The following RNF40 variants were observed in gnomAD, a reference collection of about 807,000 sequenced individuals.
RNF40 encodes the protein E3 ubiquitin-protein ligase BRE1B.
RNF40 carries 39 observed loss-of-function variants against 123.3 expected under a neutral mutation model. The observed-to-expected ratio is 0.32, with a 90% CI of 0.24 to 0.41. The LOEUF (loss-of-function observed/expected upper bound fraction) is 0.41, where lower values mean the gene tolerates loss of function less well. Among genes scored for constraint, RNF40 ranks in the 10% least tolerant of loss-of-function variants. The pLI is 1.00. For synonymous variants in RNF40, 538 were observed against 526.0 expected, an observed-to-expected ratio of 1.02 and a Z score of -0.31; for missense variants, 1,003 against 1,319.9, an observed-to-expected ratio of 0.76 and a Z score of 3.72.
At chr16:30,767,499 T>TAA (rs879532090) in intron 11 of RNF40, among the ~76,000 whole-genome samples, 1 of 137,554 alleles carries the variant, frequency 7.3e-6, no homozygotes, top group Non-Finnish European at 1.6e-5. Flanking sequence ...ATTGGATGTA[T>TAA]AAAAAAAAAA....
At chr16:30,761,940 G>A (rs1427509285), upstream of RNF40, 12 of 600,812 alleles carry the variant, frequency 2.0e-5, no homozygotes, top group South Asian at 2.2e-4. Flanking sequence ...GTTGCCAAGG[G>A]GGCTTGTGAG....
In RNF40 at chr16:30,766,269, A is replaced by G. The variant is rs1314993877; in HGVS notation, c.1100A>G (p.Asn367Ser). ...QAELQGAVRTNERLKVALRSL... is the reference protein window; with the variant it reads ...QAELQGAVRTSERLKVALRSL... ...GAACTTCAGGGGGCTGTGCGGACCA[A>G]TGAGCGCCTCAAGGTGGGCTGCTGT... Residue 367 changes from asparagine (N) to serine (S), a missense_variant, in exon 9 of 20, where the codon AAT becomes AGT. This residue lies in a region of RNF40 where 274 missense variants were observed against 356.9 expected (regional missense o/e 0.77). Transcript: ENST00000324685. The surrounding 1 kb of genome is among the most constrained non-coding windows in gnomAD (Gnocchi z 5.4). The G allele has an allele frequency of 5.6e-6, 9 of 1,614,084 alleles. No homozygotes were observed. The highest frequency in any genetic ancestry group is 1.7e-5 in the Admixed American group (1 of 60,020).
chr16:30,767,723 A>G, intron 11 of RNF40, 171 bp from the exon 12 acceptor site: 2 of 729,540 alleles, frequency 2.7e-6, no homozygotes, highest in Non-Finnish European at 4.4e-6. Flanking sequence ...ATTTTGGGTG[A>G]GTTTCCTTGA....
rs2054044931 is a variant in RNF40 at position 30,766,970 on chromosome 16, G to T, written c.1429+94G>T. Reference sequence around the variant, plus strand: ...GCTTATCCAGATGCAAGAGGCTAAGGCCTTTTTTTTCACAGAGCCTCGGCT... The same window carrying T: ...GCTTATCCAGATGCAAGAGGCTAAGTCCTTTTTTTTCACAGAGCCTCGGCT... On this transcript the variant is annotated intron_variant, in intron 11 of 19. Coordinates refer to ENST00000324685, the MANE Select transcript of RNF40 (RefSeq NM_014771.4). The surrounding 1 kb of genome is among the most constrained non-coding windows in gnomAD (Gnocchi z 5.4). 4.7e-6 allele frequency: 7 copies of T among 1,475,406 alleles called. No individual in the cohort carries two copies. In the African/African-American group the frequency reaches 5.6e-5, roughly 12 times the overall value. 91.4% of individuals were successfully genotyped at this position (1,475,406 alleles called of 1,614,324 possible).
chr16:30,766,144 C>T lies in RNF40; in HGVS notation c.994-19C>T, dbSNP rs1370805879. ...CACGTCTGGCCCTGCCTCCCATGGC[C>T]CTGCCTCCCACTCCTTAGTTTGAGA... is the stretch of plus-strand genomic sequence containing the variant. On this transcript the variant is annotated intron_variant, in intron 8 of 19. Transcript: ENST00000324685. This position sits in a 1 kb window ranked among gnomAD's most constrained non-coding sequence, Gnocchi z 5.4. The T allele has an allele frequency of 9.9e-6, 16 of 1,613,334 alleles. No homozygotes were observed. The highest frequency in any genetic ancestry group is 1.3e-5 in the Non-Finnish European group (15 of 1,179,840).
rs1456437473 is a variant in RNF40, at chr16:30,774,493, T to C, written c.*379T>C. On this transcript the variant is annotated 3_prime_UTR_variant, in exon 20 of 20. Coordinates refer to ENST00000324685, the MANE Select transcript of RNF40 (RefSeq NM_014771.4). ...GTGATCTACCCTAGAGAAGGCTCGC[T>C]CCCTGCCTACTGGCTCACAAATGAG... is the stretch of plus-strand genomic sequence containing the variant. 4.4e-6 allele frequency: 1 copy of C among 225,096 alleles called. No individual in the cohort carries two copies. Among genetic ancestry groups the C allele is most frequent in the African/African-American group, 2.3e-5 (1 of 43,886 alleles). The allele number at this position is 225,096 out of a possible 1,614,324, so 13.9% of individuals were successfully genotyped here.
At chr16:30,762,791 A>T in intron 2 of RNF40, 114 bp downstream of exon 2, 1 of 1,346,386 alleles carries the variant, frequency 7.4e-7, no homozygotes, top group Non-Finnish European at 1.0e-6. Context: ...GGTCCGCGTT[A>T]CAGGACCTTG....
At chr16:30,772,317 T>A (rs1183296143) in intron 19 of RNF40, 127 bp downstream of exon 19, 1 of 782,866 alleles carries the variant, frequency 1.3e-6, no homozygotes, top group Non-Finnish European at 2.2e-6. Flanking sequence ...AGCACAGTGG[T>A]CACAGAGTCA....
intron 2 of RNF40, 105 bp downstream of exon 2, chr16:30,762,782 G>A: frequency 6.9e-7 from 1 of 1,445,654 alleles, no homozygotes; most frequent in South Asian, 1.2e-5. Flanking sequence ...GTTTAGCAAG[G>A]TCCGCGTTAC....
chr16:30,764,820 A>G, intron 5 of RNF40, 118 bp from the exon 6 acceptor site: 3 of 1,424,292 alleles, frequency 2.1e-6, no homozygotes, highest in Non-Finnish European at 2.8e-6. Context: ...TGGCTTTGTC[A>G]TGAGAAATGG....
At chr16:30,762,831 C>T in intron 2 of RNF40, 154 bp downstream of exon 2, 1 of 983,744 alleles carries the variant, frequency 1.0e-6, no homozygotes, top group African/African-American at 1.6e-5. Flanking sequence ...GCTCAGAACA[C>T]GACGCCTGTC....
chr16:30,768,119 G>A lies in RNF40; in HGVS notation c.1568G>A (p.Ser523Asn). 5.0e-6 allele frequency: 8 copies of A among 1,609,202 alleles called. No individual in the cohort carries two copies. The highest frequency in any genetic ancestry group is 1.1e-5 in the South Asian group (1 of 90,664). The change falls in exon 13 of 20, where the codon AGT becomes AAT. Residue 523 changes from serine to asparagine, a missense_variant. By Grantham distance (46) the Ser-to-Asn change is conservative. This residue lies in a region of RNF40 where 295 missense variants were observed against 331.7 expected (regional missense o/e 0.89). Coordinates refer to ENST00000324685, the MANE Select transcript of RNF40 (RefSeq NM_014771.4). This position sits in a 1 kb window ranked among gnomAD's most constrained non-coding sequence, Gnocchi z 4.1. The part of the protein sequence containing the change: ...AEIGKLRAQA[S>N]GSAHSTPNLG... ...CCTTTGCAGCTCCGGGCCCAGGCCA[G>A]TGGCTCTGCCCACTCCACCCCCAAC...
intron 19 of RNF40, 72 bp from the exon 20 acceptor site, chr16:30,773,866 T>G (rs1301095260): frequency 2.0e-6 from 3 of 1,502,632 alleles, no homozygotes; most frequent in African/African-American, 1.4e-5. Context: ...TGGCCTGGAC[T>G]CCTCCTGCTG....
Position 30,775,286 on chromosome 16 carries a change from G to A in RNF40, c.*1172G>A. ...GCTGGCTTGGTGTGAGCCTGGGAGG[G>A]CTCAGACTTAACGGCCGGCAGGGAT... On this transcript the variant is annotated 3_prime_UTR_variant, in exon 20 of 20. Transcript: ENST00000324685. 1 of 310,556 alleles carries A rather than the reference G, an allele frequency of 3.2e-6. No homozygotes were observed. The highest frequency in any genetic ancestry group is 1.2e-3 in the Middle Eastern group (1 of 838). The allele number at this position is 310,556 out of a possible 1,614,324, so 19.2% of individuals were successfully genotyped here.
chr16:30,773,350 G>A (rs1239864324), intron 19 of RNF40, among the ~76,000 whole-genome samples: 4 of 152,156 alleles, frequency 2.6e-5, no homozygotes, highest in Admixed American at 6.5e-5. Flanking sequence ...CTGCTGAGGC[G>A]GCAGGCTGGG....
Position 30,768,507 on chromosome 16 carries a change from C to CG in RNF40, c.1956_1957insG (p.Lys653GlufsTer34). 1 of 1,610,388 alleles carries CG rather than the reference C, an allele frequency of 6.2e-7. No homozygotes were observed. The highest frequency in any genetic ancestry group is 8.5e-7 in the Non-Finnish European group (1 of 1,177,632). ...CCAAGCGGAAGGAATCAGAACTCCT[C>CG]AAGGGTCTCCGAGCAGAGCTCAAGT... is the stretch of plus-strand genomic sequence containing the variant. On this transcript the variant is annotated frameshift_variant, in exon 13 of 20. Transcript: ENST00000324685. LOFTEE classifies it high-confidence loss of function. The surrounding 1 kb of genome is among the most constrained non-coding windows in gnomAD (Gnocchi z 4.1).
upstream of RNF40, chr16:30,761,729 C>A (rs1377554134): frequency 2.0e-6 from 3 of 1,528,110 alleles, no homozygotes; most frequent in Non-Finnish European, 2.6e-6. Context: ...CAAAAAGTGG[C>A]TGGTCTTGCG....
chr16:30,772,238 T>G, intron 19 of RNF40, 48 bp downstream of exon 19: 1 of 1,438,952 alleles, frequency 6.9e-7, no homozygotes, highest in Non-Finnish European at 9.6e-7. Context: ...GAATTGTAGA[T>G]GCAGGATTGC....
rs1255579270 is a variant in RNF40, at chr16:30,768,558, G to A, written c.1979+28G>A. 4 of 1,613,584 alleles carry A rather than the reference G, an allele frequency of 2.5e-6. No individual in the cohort carries two copies. The African/African-American group carries it at 5.3e-5, about 22-fold the overall frequency. ...GAGGCTCTGTTCCTGTCTCCTTCCT[G>A]ACCCTGCCAGGTGGCCTCCAGTCCC... On this transcript the variant is annotated intron_variant, in intron 13 of 19. Transcript: ENST00000324685. This position sits in a 1 kb window ranked among gnomAD's most constrained non-coding sequence, Gnocchi z 4.1.
Sources: gnomAD v4.1 joint callset for allele counts (sites outside exome capture counted in the v4.1 genomes callset) on GRCh38, gnomAD v4.1.1 for gene constraint, gnomAD v4.1.1 regional missense constraint, Gnocchi (gnomAD v3.1) non-coding constraint, MANE v1.5 for transcripts, NCBI Gene and HGNC (gene_info 2026-07-23, HGNC 2026-07-21) for gene names.